Variants in RSF1 observed in about 807,000 individuals in gnomAD.
RSF1 encodes remodeling and spacing factor 1, also known as HBV pX-associated protein 8.
Under a neutral mutation model 145.2 loss-of-function variants are expected in RSF1, and 13 were observed. That is an observed-to-expected ratio of 0.09 (90% CI 0.06 to 0.14). The LOEUF is 0.14. RSF1 is among the 10% of genes least tolerant of loss of function. RSF1 has a pLI of 1.00. For missense variants in RSF1, 1,517 were observed against 1,718.2 expected, an observed-to-expected ratio of 0.88 and a Z score of 2.07; for synonymous variants, 577 against 592.6, an observed-to-expected ratio of 0.97 and a Z score of 0.38.
At chr11:77,865,034 T>C in the RSF1 span, among the ~76,000 whole-genome samples, 2 of 152,144 alleles carry the variant, frequency 1.3e-5, no homozygotes, top group Non-Finnish European at 2.9e-5. Context: ...TCTCTCCTTC[T>C]CTGGACCCAT....
chr11:77,764,876 C>T (rs1948210385), intron 1 of RSF1, among the ~76,000 whole-genome samples, 187 bp from the exon 2 acceptor site: 1 of 152,160 alleles, frequency 6.6e-6, no homozygotes, highest in African/African-American at 2.4e-5. Context: ...CCAAAAACCA[C>T]TTTCTCAAAG....
chr11:77,769,038 G>A (rs796236679), intron 1 of RSF1, among the ~76,000 whole-genome samples: 1 of 151,962 alleles, frequency 6.6e-6, no homozygotes, highest in African/African-American at 2.4e-5. Context: ...CTATGGCTTT[G>A]GACAGCTGTA....
the RSF1 span, among the ~76,000 whole-genome samples, chr11:77,867,964 A>G: frequency 1.3e-5 from 2 of 152,052 alleles, no homozygotes; most frequent in East Asian, 1.9e-4. Context: ...TTAGCATGCT[A>G]TGCAAGTGCT....
chr11:77,781,106 T>C (rs1565178653), intron 1 of RSF1, among the ~76,000 whole-genome samples: 1 of 150,980 alleles, frequency 6.6e-6, no homozygotes, highest in African/African-American at 2.4e-5. Flanking sequence ...TGAATTGTCT[T>C]TTTTTTTTGA....
the RSF1 span, among the ~76,000 whole-genome samples, chr11:77,855,720 C>CTTT: frequency 0.012 from 1,592 of 127,904 alleles, 57 homozygotes; most frequent in African/African-American, 0.042. Context: ...AGTTTTATGT[C>CTTT]TTTTTTTTTT....
the RSF1 span, among the ~76,000 whole-genome samples, chr11:77,864,840 A>G: frequency 6.6e-6 from 1 of 152,154 alleles, no homozygotes; most frequent in Non-Finnish European, 1.5e-5. Context: ...TTAGCCAGGC[A>G]TGGTGGCACA....
chr11:77,725,573 A>T lies in RSF1; in HGVS notation c.705T>A (p.Thr235=), dbSNP rs1221421504. The T allele has an allele frequency of 5.0e-6, 8 of 1,585,492 alleles. No individual in the cohort carries two copies. The highest frequency in any genetic ancestry group is 1.7e-4 in the Middle Eastern group (1 of 5,978). The change falls in exon 5 of 16, where the codon ACT becomes ACA. Residue 235 remains threonine (T), a synonymous_variant. Transcript: ENST00000308488. ...GTTTAGGTGTTTCTTCCTCTTTTTT[A>T]GTCTCCTCATCCTCTAAGCTGGGAC... ...RESPSLEDEE[T]KKEEETPKQE... is the part of the protein sequence containing the mutation.
intron 2 of RSF1, among the ~76,000 whole-genome samples, chr11:77,750,995 C>A (rs911530516): frequency 3.9e-5 from 6 of 152,188 alleles, no homozygotes; most frequent in Non-Finnish European, 7.4e-5. Flanking sequence ...GCCAGGGAGG[C>A]ATCCTGGCCA....
intron 1 of RSF1, among the ~76,000 whole-genome samples, chr11:77,804,575 G>A (rs544440896): frequency 5.3e-5 from 8 of 152,238 alleles, no homozygotes; most frequent in South Asian, 2.1e-4. Context: ...GGTGGCTCAC[G>A]CCTGTAATCC....
chr11:77,844,772 C>G, the RSF1 span, among the ~76,000 whole-genome samples: 3 of 152,008 alleles, frequency 2.0e-5, no homozygotes, highest in African/African-American at 7.2e-5. Flanking sequence ...TTGGGTTTTT[C>G]TTTGTCGTTA....
chr11:77,759,487 C>A (rs915387826), intron 2 of RSF1, among the ~76,000 whole-genome samples: 1 of 152,204 alleles, frequency 6.6e-6, no homozygotes, highest in African/African-American at 2.4e-5. Context: ...CTCTCGAGAC[C>A]ATCCTGCCCA....
At chr11:77,724,153 T>TA (rs1331776284) in intron 5 of RSF1, among the ~76,000 whole-genome samples, 1 of 152,298 alleles carries the variant, frequency 6.6e-6, no homozygotes, top group East Asian at 1.9e-4. Context: ...CTTGAAAAGA[T>TA]AGATGCTTAA....
chr11:77,806,627 G>C (rs1349592168), intron 1 of RSF1, among the ~76,000 whole-genome samples: 2 of 152,054 alleles, frequency 1.3e-5, no homozygotes, highest in African/African-American at 4.8e-5. Context: ...GTTGCAGTGA[G>C]CTATGACTGC....
chr11:77,781,104 CT>C (rs113010922), intron 1 of RSF1, among the ~76,000 whole-genome samples: 14 of 148,764 alleles, frequency 9.4e-5, no homozygotes, highest in Non-Finnish European at 9.0e-5. Context: ...TTTGAATTGT[CT>C]TTTTTTTTTG....
chr11:77,693,415 G>C, intron 8 of RSF1, 92 bp downstream of exon 8: 1 of 758,780 alleles, frequency 1.3e-6, no homozygotes, highest in African/African-American at 1.7e-5. Flanking sequence ...ACATTGCTTT[G>C]AAGGTTAAAA....
chr11:77,820,670 G>C lies in RSF1; in HGVS notation c.45C>G (p.Gly15=), dbSNP rs890260777. The change falls in exon 1 of 16, where the codon GGC becomes GGG. Residue 15 remains glycine, a synonymous_variant. Transcript: ENST00000308488. ...CGAAGTTGGGGCACGAACCCGGGCA[G>C]CCCGGAGGAGCCATCACCGCCGCCG... ...AAAAAVMAPP[G]CPGSCPNFAV... 3.2e-6 allele frequency: 5 copies of C among 1,555,406 alleles called. No homozygotes were observed. In the Admixed American group the frequency reaches 5.9e-5, roughly 18 times the overall value.
chr11:77,698,815 A>G (rs1212004857), intron 6 of RSF1, 122 bp from the exon 7 acceptor site: 1 of 759,288 alleles, frequency 1.3e-6, no homozygotes, highest in Non-Finnish European at 2.1e-6. Context: ...GGAGAAAATT[A>G]TTATAGTCTC....
Position 77,796,504 on chromosome 11 carries a change from A to C in RSF1, c.187+24024T>G, listed in dbSNP as rs186584835. Among the ~76,000 whole-genome samples the C allele has an allele frequency of 2.0e-5, 3 of 152,340 alleles. No individual in the cohort carries two copies. The East Asian group carries it at 5.8e-4, about 29-fold the overall frequency. On this transcript the variant is annotated intron_variant, in intron 1 of 15. Transcript: ENST00000308488. Reference sequence around the variant, plus strand: ...CTCAATAAACTAGATATCGATGGAAACATATCTCAAAATAATAGCTATTTA... The same window carrying C: ...CTCAATAAACTAGATATCGATGGAACCATATCTCAAAATAATAGCTATTTA...
chr11:77,828,916 A>G, the RSF1 span, among the ~76,000 whole-genome samples: 3 of 152,190 alleles, frequency 2.0e-5, no homozygotes, highest in Non-Finnish European at 2.9e-5. Flanking sequence ...AGAATATCCA[A>G]AACAGTTTTT....
Sources: allele counts gnomAD v4.1 joint callset (sites outside exome capture counted in the v4.1 genomes callset), GRCh38; gene constraint gnomAD v4.1.1; transcripts MANE v1.5; gene names NCBI Gene and HGNC (gene_info 2026-07-23, HGNC 2026-07-21).